The following HECW2 variants were observed in gnomAD, a reference collection of about 807,000 sequenced individuals.
HECW2 encodes HECT, C2 and WW domain containing E3 ubiquitin protein ligase 2.
HECW2 carries 61 observed loss-of-function variants against 175.2 expected under a neutral mutation model. The observed-to-expected ratio is 0.35, with a 90% CI of 0.28 to 0.43. HECW2 has a LOEUF of 0.43. HECW2 is among the 20% of genes least tolerant of loss of function. The pLI, the probability that HECW2 is intolerant of heterozygous loss-of-function variation, is 1.00. For missense variants in HECW2, 1,524 were observed against 2,000.5 expected, an observed-to-expected ratio of 0.76 and a Z score of 4.54; for synonymous variants, 671 against 731.0, an observed-to-expected ratio of 0.92 and a Z score of 1.32.
intron 2 of HECW2, among the ~76,000 whole-genome samples, chr2:196,408,552 T>C (rs1695025476): frequency 6.6e-6 from 1 of 152,188 alleles, no homozygotes; most frequent in Admixed American, 6.5e-5. Context: ...GTGGTAATAG[T>C]CAAACATAAA....
intron 3 of HECW2, among the ~76,000 whole-genome samples, chr2:196,335,264 A>G (rs374645722): frequency 6.6e-6 from 1 of 152,350 alleles, no homozygotes; most frequent in East Asian, 1.9e-4. Context: ...ACAAATGCCA[A>G]TTATGGTTTT....
chr2:196,263,082 C>A (rs1434332881), intron 17 of HECW2: 1 of 151,330 alleles, frequency 6.6e-6, no homozygotes, highest in South Asian at 2.1e-4. Context: ...AAGCCAATGT[C>A]CAATTATTTA....
At chr2:196,364,363 T>A (rs1165345829) in intron 2 of HECW2, among the ~76,000 whole-genome samples, 1 of 152,194 alleles carries the variant, frequency 6.6e-6, no homozygotes, top group Non-Finnish European at 1.5e-5. Flanking sequence ...GCCACAGCAG[T>A]TGATGAATGT....
intron 1 of HECW2, among the ~76,000 whole-genome samples, chr2:196,553,772 ATGCT>A (rs1689688276): frequency 6.6e-6 from 1 of 152,224 alleles, no homozygotes; most frequent in African/African-American, 2.4e-5. Flanking sequence ...GAACAAACTG[ATGCT>A]CCACATACTA....
chr2:196,445,349 A>C (rs915672669), intron 1 of HECW2, among the ~76,000 whole-genome samples: 1 of 152,208 alleles, frequency 6.6e-6, no homozygotes, highest in Non-Finnish European at 1.5e-5. Flanking sequence ...ACAAAGGTAG[A>C]TCCATTACAG....
At chr2:196,252,860 C>G (rs190381106) in intron 19 of HECW2, among the ~76,000 whole-genome samples, 6 of 152,086 alleles carry the variant, frequency 3.9e-5, no homozygotes, top group Admixed American at 2.6e-4. Context: ...CCAAATACCC[C>G]ATCCCCAGCC....
intron 13 of HECW2, among the ~76,000 whole-genome samples, 200 bp from the exon 14 acceptor site, chr2:196,292,950 G>GT (rs1690659382): frequency 6.6e-6 from 1 of 152,170 alleles, no homozygotes; most frequent in South Asian, 2.1e-4. Context: ...ACTACAGAAG[G>GT]TAAGGCAGTA....
chr2:196,518,343 C>T (rs1005680447), intron 1 of HECW2, among the ~76,000 whole-genome samples: 1 of 152,100 alleles, frequency 6.6e-6, no homozygotes, highest in Non-Finnish European at 1.5e-5. Flanking sequence ...TTACAAAAGG[C>T]TTCTGTGCAT....
chr2:196,404,253 AGCATAATTCTCCCTATGATTT>A (rs1163259397), intron 2 of HECW2, among the ~76,000 whole-genome samples: 2 of 152,222 alleles, frequency 1.3e-5, no homozygotes, highest in Admixed American at 6.5e-5. Context: ...ATAGTTAAAA[AGCATAATTCTCCCTATGATTT>A]GCCCCATGAA....
At chr2:196,522,783 AGT>A (rs1286886251) in intron 1 of HECW2, among the ~76,000 whole-genome samples, 26 of 151,278 alleles carry the variant, frequency 1.7e-4, no homozygotes, top group Non-Finnish European at 3.1e-4. Context: ...AAGATCAGAT[AGT>A]TGTAGATATG....
chr2:196,356,185 T>C (rs1004126027), intron 2 of HECW2, among the ~76,000 whole-genome samples: 1 of 152,216 alleles, frequency 6.6e-6, no homozygotes, highest in Non-Finnish European at 1.5e-5. Context: ...GCTGTTCTAG[T>C]GTTTTACTTT....
intron 1 of HECW2, among the ~76,000 whole-genome samples, chr2:196,537,407 G>A (rs1559164872): frequency 1.3e-5 from 2 of 152,070 alleles, no homozygotes; most frequent in Non-Finnish European, 2.9e-5. Flanking sequence ...CATTCAAAAC[G>A]TTTCCAATTC....
At chr2:196,372,873 CA>C (rs1167683878) in intron 2 of HECW2, among the ~76,000 whole-genome samples, 1 of 152,038 alleles carries the variant, frequency 6.6e-6, no homozygotes, top group Non-Finnish European at 1.5e-5. Flanking sequence ...GTTCCGCGGC[CA>C]AAAATGGACA....
intron 17 of HECW2, among the ~76,000 whole-genome samples, chr2:196,262,458 T>C (rs933467545): frequency 3.3e-5 from 5 of 152,338 alleles, no homozygotes; most frequent in Non-Finnish European, 7.4e-5. Flanking sequence ...CTGTGCCCCT[T>C]AGAGTACATT....
At chr2:196,218,687 C>A (rs1687562643) in intron 26 of HECW2, among the ~76,000 whole-genome samples, 1 of 151,602 alleles carries the variant, frequency 6.6e-6, no homozygotes, top group Non-Finnish European at 1.5e-5. Flanking sequence ...GTGGCATACA[C>A]CCTCTGTCTG....
intron 1 of HECW2, among the ~76,000 whole-genome samples, chr2:196,436,749 T>TG (rs1364841742): frequency 7.4e-3 from 6 of 808 alleles, no homozygotes; most frequent in Admixed American, 0.024. Flanking sequence ...AAGAGTAAGG[T>TG]TTTTTTTTTT....
chr2:196,494,654 A>G (rs936361843), intron 1 of HECW2, among the ~76,000 whole-genome samples: 8 of 152,214 alleles, frequency 5.3e-5, no homozygotes, highest in African/African-American at 1.7e-4. Context: ...TGTAAAACTT[A>G]ACATGCAGAT....
chr2:196,512,418 T>C (rs1312355867), intron 1 of HECW2, among the ~76,000 whole-genome samples: 2 of 152,134 alleles, frequency 1.3e-5, no homozygotes, highest in Admixed American at 6.5e-5. Flanking sequence ...TTTTGAGACA[T>C]AGTCTCACTG....
In HECW2 at chr2:196,199,498, G is replaced by A. The variant is rs1686789430; in HGVS notation, c.*1779C>T. 1 of 152,538 alleles carries A rather than the reference G, an allele frequency of 6.6e-6. No individual in the cohort carries two copies. Among genetic ancestry groups the A allele is most frequent in the Non-Finnish European group, 1.5e-5 (1 of 68,018 alleles). 9.4% of individuals were successfully genotyped at this position (152,538 alleles called of 1,614,324 possible). ...GTAGTAAACATAGCTTAACTCACAG[G>A]AGAGCAATCAGTTCTTACAAAACAC... On this transcript the variant is annotated 3_prime_UTR_variant, in exon 29 of 29. Coordinates refer to ENST00000644978, the MANE Select transcript of HECW2 (RefSeq NM_001348768.2).
Sources: gnomAD v4.1 joint callset for allele counts (sites outside exome capture counted in the v4.1 genomes callset) on GRCh38, gnomAD v4.1.1 for gene constraint, MANE v1.5 for transcripts, NCBI Gene and HGNC (gene_info 2026-07-23, HGNC 2026-07-21) for gene names.